The following SRSF6 variants were observed in gnomAD, a reference collection of about 807,000 sequenced individuals.
SRSF6 encodes the protein serine/arginine-rich splicing factor 6.
In SRSF6, 17 loss-of-function variants were observed where a neutral mutation model predicts 42.0. That is an observed-to-expected ratio of 0.40 (90% CI 0.28 to 0.61). The LOEUF (loss-of-function observed/expected upper bound fraction) is 0.61, where lower values mean the gene tolerates loss of function less well. SRSF6 is among the 20% of genes least tolerant of loss of function. The pLI, the probability that SRSF6 is intolerant of heterozygous loss-of-function variation, is 0.37. For synonymous variants in SRSF6, 204 were observed against 166.7 expected (o/e 1.22, Z -1.72); for missense variants, 379 against 471.4 (o/e 0.80, Z 1.81).
In SRSF6 at chr20:43,461,286, A is replaced by T. The variant is rs1600862612; in HGVS notation, c.*223A>T. On this transcript the variant is annotated 3_prime_UTR_variant, in exon 6 of 6. Coordinates refer to ENST00000244020, the MANE Select transcript of SRSF6 (RefSeq NM_006275.6). ...GTAGAATTAAGATAACTTTGATTTT[A>T]TAGCTTTTGAGCTAACGTAACTTTT... is the stretch of plus-strand genomic sequence containing the variant. 1.0e-5 allele frequency: 3 copies of T among 287,970 alleles called. No homozygotes were observed. The East Asian group carries it at 2.6e-4, about 25-fold the overall frequency. The allele number at this position is 287,970 out of a possible 1,614,324, so 17.8% of individuals were successfully genotyped here.
chr20:43,458,344 C>G lies in SRSF6; in HGVS notation c.108-17C>G. ...AACGACTCCCCCGCGGTTGTCCGGC[C>G]CTCGCACCGCCCCTAGGTACGGCTT... On this transcript the variant is annotated splice_polypyrimidine_tract_variant and intron_variant, in intron 1 of 5. Coordinates refer to ENST00000244020, the MANE Select transcript of SRSF6 (RefSeq NM_006275.6). The G allele has an allele frequency of 6.5e-7, 1 of 1,535,250 alleles. No individual in the cohort carries two copies. The highest frequency in any genetic ancestry group is 8.7e-7 in the Non-Finnish European group (1 of 1,143,976).
chr20:43,460,441 T>C (rs2017566375), intron 4 of SRSF6, 74 bp from the exon 5 acceptor site: 19 of 1,438,774 alleles, frequency 1.3e-5, no homozygotes, highest in Admixed American at 1.8e-5. Context: ...CTTTGGCTTA[T>C]CTATTTTTGC....
Position 43,462,233 on chromosome 20 carries a change from T to C in SRSF6, c.*1170T>C, listed in dbSNP as rs2017614621. 1 of 152,204 alleles carries C rather than the reference T, an allele frequency of 6.6e-6. No individual in the cohort carries two copies. Among genetic ancestry groups the C allele is most frequent in the South Asian group, 2.1e-4 (1 of 4,834 alleles). 9.4% of individuals were successfully genotyped at this position (152,204 alleles called of 1,614,324 possible). On this transcript the variant is annotated 3_prime_UTR_variant, in exon 6 of 6. Coordinates refer to ENST00000244020, the MANE Select transcript of SRSF6 (RefSeq NM_006275.6). Reference sequence around the variant, plus strand: ...GTAAACGCAAAACTTTTGTACTTTATTACGAGTAAAGTGTAATGAGTACTG... The same window carrying C: ...GTAAACGCAAAACTTTTGTACTTTACTACGAGTAAAGTGTAATGAGTACTG...
chr20:43,460,792 G>C lies in SRSF6; in HGVS notation c.764G>C (p.Arg255Pro), dbSNP rs199769549. 1 of 1,613,946 alleles carries C rather than the reference G, an allele frequency of 6.2e-7. No homozygotes were observed. Among genetic ancestry groups the C allele is most frequent in the Non-Finnish European group, 8.5e-7 (1 of 1,180,030 alleles). Residue 255 changes from arginine (R) to proline (P), a missense_variant, in exon 6 of 6, where the codon CGG becomes CCG. This residue lies in a region of SRSF6 where 219 missense variants were observed against 216.1 expected (regional missense o/e 1.01). Coordinates refer to ENST00000244020, the MANE Select transcript of SRSF6 (RefSeq NM_006275.6). ...AGCAAATCTAAGCCCAAGTCTGATC[G>C]GGGCTCCCATTCACATTCTCGAAGC... ...SKSKSKPKSD[R>P]GSHSHSRSRS...
intron 2 of SRSF6, chr20:43,459,339 C>G: frequency 2.2e-6 from 3 of 1,351,898 alleles, no homozygotes; most frequent in Non-Finnish European, 2.9e-6. Context: ...AAGGGTTAGA[C>G]AAAACTGGTT....
intron 2 of SRSF6, 94 bp downstream of exon 2, chr20:43,458,603 C>T (rs1293786079): frequency 2.9e-5 from 38 of 1,290,916 alleles, no homozygotes; most frequent in Non-Finnish European, 3.6e-5. Context: ...GCGCGAGGGC[C>T]GGGGGTCGTT....
In SRSF6 at chr20:43,459,028, C is replaced by A. The variant is rs942952088; in HGVS notation, c.256+519C>A. 10 of 767,584 alleles carry A rather than the reference C, an allele frequency of 1.3e-5. No individual in the cohort carries two copies. In the African/African-American group the frequency reaches 1.6e-4, roughly 13 times the overall value. The allele number at this position is 767,584 out of a possible 1,614,324, so 47.5% of individuals were successfully genotyped here. A position where few individuals can be genotyped will look rare whatever the true frequency, so the allele number is the denominator to read the frequency against. Reference sequence around the variant, plus strand: ...AAATAAGCTTTATGCTGTATTTGAACTAATTGGGGCATGTTATTGGGAGGA... The same window carrying A: ...AAATAAGCTTTATGCTGTATTTGAAATAATTGGGGCATGTTATTGGGAGGA... On this transcript the variant is annotated intron_variant, in intron 2 of 5. Coordinates refer to ENST00000244020, the MANE Select transcript of SRSF6 (RefSeq NM_006275.6).
Position 43,458,550 on chromosome 20 carries a change from T to TG in SRSF6, c.256+46dup, listed in dbSNP as rs1555871552. 109 of 1,420,958 alleles carry TG rather than the reference T, an allele frequency of 7.7e-5. 1 individual carries two copies. The highest frequency in any genetic ancestry group is 9.9e-5 in the Non-Finnish European group (108 of 1,093,422). The allele number at this position is 1,420,958 out of a possible 1,614,324, so 88.0% of individuals were successfully genotyped here. A position where few individuals can be genotyped will look rare whatever the true frequency, so the allele number is the denominator to read the frequency against. Reference sequence around the variant, plus strand: ...GCGCGCTCCGCGCCCTTGGGGACCCTGGGGGCGGGGGTGGGTGGGGTGGGG... The same window carrying TG: ...GCGCGCTCCGCGCCCTTGGGGACCCTGGGGGGCGGGGGTGGGTGGGGTGGGG... On this transcript the variant is annotated intron_variant, in intron 2 of 5. Coordinates refer to ENST00000244020, the MANE Select transcript of SRSF6 (RefSeq NM_006275.6).
In SRSF6 at chr20:43,461,020, G is replaced by C. The variant is rs777495508; in HGVS notation, c.992G>C (p.Arg331Pro). 1 of 1,604,160 alleles carries C rather than the reference G, an allele frequency of 6.2e-7. No individual in the cohort carries two copies. ...RATSRSRSRS[R>P]SKSRSRSRSS... ...ACTTCAAGATCCCGTTCTAGATCTC[G>C]CTCAAAGTCAAGATCAAGGTCCAGG... The change falls in exon 6 of 6, where the codon CGC becomes CCC. Residue 331 changes from arginine to proline, a missense_variant. Arg to Pro is a moderately radical substitution (Grantham distance 103). This residue lies in a region of SRSF6 where 219 missense variants were observed against 216.1 expected (regional missense o/e 1.01). Coordinates refer to ENST00000244020, the MANE Select transcript of SRSF6 (RefSeq NM_006275.6).
chr20:43,458,193 G>C, intron 1 of SRSF6, 53 bp downstream of exon 1: 4 of 1,574,208 alleles, frequency 2.5e-6, no homozygotes, highest in Non-Finnish European at 3.5e-6. Context: ...GTGGCGGCGG[G>C]AACTCTCCAA....
rs531031791 is a variant in SRSF6 at position 43,458,174 on chromosome 20, C to G, written c.107+34C>G. ...GGCCTGGGCGCCCGCGCCCAGCGTC[C>G]CAGGCCTGGTGGCGGCGGGAACTCT... On this transcript the variant is annotated intron_variant, in intron 1 of 5. Coordinates refer to ENST00000244020, the MANE Select transcript of SRSF6 (RefSeq NM_006275.6). 1.9e-4 allele frequency: 311 copies of G among 1,597,760 alleles called. 1 individual carries two copies. In the Middle Eastern group the frequency reaches 8.8e-3, roughly 45 times the overall value.
In SRSF6 at chr20:43,461,338, T is replaced by TTTTTG. The variant is rs2017591353; in HGVS notation, c.*279_*280insGTTTT. 2 of 15,364 alleles carry TTTTTG rather than the reference T, an allele frequency of 1.3e-4. No individual in the cohort carries two copies. The highest frequency in any genetic ancestry group is 2.8e-4 in the African/African-American group (2 of 7,192). 1.0% of individuals were successfully genotyped at this position (15,364 alleles called of 1,614,324 possible). A position where few individuals can be genotyped will look rare whatever the true frequency, so the allele number is the denominator to read the frequency against. ...TAAAGATTAAGCTCATTTAGTGTTGTTTTTTTTTTTTTTTTTTTTTTTTTT... is the reference window on the plus strand; with the variant it reads ...TAAAGATTAAGCTCATTTAGTGTTGTTTTTGTTTTTTTTTTTTTTTTTTTTTTTTT... On this transcript the variant is annotated 3_prime_UTR_variant, in exon 6 of 6. Coordinates refer to ENST00000244020, the MANE Select transcript of SRSF6 (RefSeq NM_006275.6).
Position 43,461,339 on chromosome 20 carries a change from T to TGTTG in SRSF6, c.*276_*277insGTTG, listed in dbSNP as rs60101476. 1 of 18,142 alleles carries TGTTG rather than the reference T, an allele frequency of 5.5e-5. No homozygotes were observed. Among genetic ancestry groups the TGTTG allele is most frequent in the Non-Finnish European group, 1.8e-4 (1 of 5,682 alleles). The allele number at this position is 18,142 out of a possible 1,614,324, so 1.1% of individuals were successfully genotyped here. On this transcript the variant is annotated 3_prime_UTR_variant, in exon 6 of 6. Coordinates refer to ENST00000244020, the MANE Select transcript of SRSF6 (RefSeq NM_006275.6). ...AAAGATTAAGCTCATTTAGTGTTGT[T>TGTTG]TTTTTTTTTTTTTTTTTTTTTTTTT...
chr20:43,461,767 T>A lies in SRSF6; in HGVS notation c.*704T>A, dbSNP rs557202260. ...ACAAGTTGAGTAAAAATAAAAGGTA[T>A]TTTTTAGTCAATGTGTTCCATGATT... On this transcript the variant is annotated 3_prime_UTR_variant, in exon 6 of 6. Coordinates refer to ENST00000244020, the MANE Select transcript of SRSF6 (RefSeq NM_006275.6). The A allele has an allele frequency of 6.6e-6, 1 of 152,628 alleles. No homozygotes were observed. The allele number at this position is 152,628 out of a possible 1,614,324, so 9.5% of individuals were successfully genotyped here.
In SRSF6 at chr20:43,459,956, A is replaced by C; in HGVS notation, c.381+61A>C. The C allele has an allele frequency of 2.5e-6, 4 of 1,603,480 alleles. No individual in the cohort carries two copies. In the East Asian group the frequency reaches 8.9e-5, roughly 36 times the overall value. On this transcript the variant is annotated intron_variant, in intron 3 of 5. Transcript: ENST00000244020. ...TAATGCTTTAAAGTAAACTCCTTTTATATTCTTATTTCTGGGAATTTATTA... is the reference window on the plus strand; with the variant it reads ...TAATGCTTTAAAGTAAACTCCTTTTCTATTCTTATTTCTGGGAATTTATTA...
Position 43,462,048 on chromosome 20 carries a change from T to C in SRSF6, c.*985T>C, listed in dbSNP as rs2017611090. The C allele has an allele frequency of 1.3e-5, 2 of 152,222 alleles. No homozygotes were observed. The highest frequency in any genetic ancestry group is 4.1e-4 in the South Asian group (2 of 4,836). The allele number at this position is 152,222 out of a possible 1,614,324, so 9.4% of individuals were successfully genotyped here. On this transcript the variant is annotated 3_prime_UTR_variant, in exon 6 of 6. Coordinates refer to ENST00000244020, the MANE Select transcript of SRSF6 (RefSeq NM_006275.6). ...ACTGCATTTTCTGCTGAAAGATCAT[T>C]ATGTTTAACAGGCACTTAATCTCAG...
chr20:43,458,027 C>T lies in SRSF6; in HGVS notation c.-7C>T, dbSNP rs772105648. ...AACCAGCCCTTGGGTCCCCGCCCGC[C>T]ACGGACATGCCGCGCGTCTACATAG... On this transcript the variant is annotated 5_prime_UTR_variant, in exon 1 of 6. Coordinates refer to ENST00000244020, the MANE Select transcript of SRSF6 (RefSeq NM_006275.6). 2 of 1,609,436 alleles carry T rather than the reference C, an allele frequency of 1.2e-6. No individual in the cohort carries two copies. The highest frequency in any genetic ancestry group is 1.7e-5 in the Admixed American group (1 of 59,744).
rs768092963 is a variant in SRSF6, at chr20:43,460,208, G to T, written c.557G>T (p.Ser186Ile). Residue 186 changes from serine (S) to isoleucine (I), a missense_variant, in exon 4 of 6, where the codon AGC (serine) becomes ATC (isoleucine). This residue lies in a region of SRSF6 where 219 missense variants were observed against 216.1 expected (regional missense o/e 1.01). Transcript: ENST00000244020. ...CTTATTGAAGATAAGCCACGCACAA[G>T]CCATAGGCGATCTTACTCTGGAAGC... Reference protein sequence around the residue: ...IRLIEDKPRTSHRRSYSGSRS... With the variant: ...IRLIEDKPRTIHRRSYSGSRS... 2 of 1,614,150 alleles carry T rather than the reference G, an allele frequency of 1.2e-6. No homozygotes were observed. The highest frequency in any genetic ancestry group is 1.7e-6 in the Non-Finnish European group (2 of 1,180,020).
intron 4 of SRSF6, 73 bp downstream of exon 4, chr20:43,460,314 A>C: frequency 6.6e-7 from 1 of 1,518,294 alleles, no homozygotes. Flanking sequence ...AGTGATGTCA[A>C]TTGTTGCCTA....
Sources: allele counts gnomAD v4.1 joint callset, GRCh38; gene constraint gnomAD v4.1.1; regional missense constraint gnomAD v4.1.1; transcripts MANE v1.5; gene names NCBI Gene and HGNC (gene_info 2026-07-23, HGNC 2026-07-21).